FAM114A1: variants seen among roughly 807,000 people sequenced by gnomAD.
The protein encoded by FAM114A1 is family with sequence similarity 114 member A1.
Under a neutral mutation model 64.3 loss-of-function variants are expected in FAM114A1, and 62 were observed. The ratio of observed to expected loss-of-function variants is 0.96; its 90% CI spans 0.79 to 1.19. The LOEUF is 1.19. Ranked by LOEUF, FAM114A1 falls within the 50% of genes most tolerant of loss-of-function variation. The probability of loss-of-function intolerance (pLI) is 0.00; values close to 1 mark genes in which losing one functional copy is unlikely to be tolerated. For missense variants in FAM114A1, 645 were observed against 676.3 expected (o/e 0.95, Z 0.51); for synonymous variants, 254 against 251.1 (o/e 1.01, Z -0.11).
At chr4:38,907,225 A>G (rs887482941) in intron 6 of FAM114A1, among the ~76,000 whole-genome samples, 3 of 152,194 alleles carry the variant, frequency 2.0e-5, no homozygotes, top group Non-Finnish European at 4.4e-5. Flanking sequence ...AAGTAGCAAT[A>G]CAAGTCAACC....
intron 14 of FAM114A1, among the ~76,000 whole-genome samples, chr4:38,942,157 C>A (rs1169032335): frequency 1.3e-5 from 2 of 152,132 alleles, no homozygotes; most frequent in Admixed American, 1.3e-4. Context: ...CCATCAGGTC[C>A]CTCCCACAAC....
At chr4:38,932,200 G>A in intron 11 of FAM114A1, 35 bp from the exon 12 acceptor site, 1 of 1,567,046 alleles carries the variant, frequency 6.4e-7, no homozygotes, top group Non-Finnish European at 8.6e-7. Flanking sequence ...CATCTGCTCA[G>A]TAAAAAATTT....
chr4:38,924,620 A>G (rs1005796675), intron 9 of FAM114A1, among the ~76,000 whole-genome samples: 1 of 152,234 alleles, frequency 6.6e-6, no homozygotes, highest in Non-Finnish European at 1.5e-5. Context: ...AGAATCAATT[A>G]TACTGAAGCA....
At chr4:38,905,451 A>G (rs1717900518) in intron 4 of FAM114A1, 71 bp from the exon 5 acceptor site, 1 of 1,117,028 alleles carries the variant, frequency 9.0e-7, no homozygotes. Flanking sequence ...ACAGCTTTGT[A>G]AGATTTGGTG....
rs536632838 is a variant in FAM114A1 at position 38,930,570 on chromosome 4, A to G, written c.1162-881A>G. ...TTTGTCTGTAATAGAGGACACACTG[A>G]GGACAGTTTTGCTGGGTTTTCTCTC... On this transcript the variant is annotated intron_variant, in intron 10 of 14. Coordinates refer to ENST00000358869, the MANE Select transcript of FAM114A1 (RefSeq NM_138389.4). 5.9e-5 allele frequency among the ~76,000 whole-genome samples: 9 copies of G among 152,302 alleles called. No homozygotes were observed. The East Asian group carries it at 1.7e-3, about 29-fold the overall frequency.
chr4:38,920,151 G>A (rs1184935649), intron 8 of FAM114A1, among the ~76,000 whole-genome samples: 4 of 151,720 alleles, frequency 2.6e-5, no homozygotes, highest in Non-Finnish European at 2.9e-5. Context: ...AGGTTCCAGT[G>A]AGCCAAGATT....
intron 8 of FAM114A1, among the ~76,000 whole-genome samples, chr4:38,919,322 T>C (rs1004165104): frequency 2.0e-5 from 3 of 152,210 alleles, no homozygotes; most frequent in African/African-American, 7.2e-5. Context: ...TGCTTCAGCC[T>C]GCCTGCCTCC....
intron 4 of FAM114A1, among the ~76,000 whole-genome samples, chr4:38,905,234 A>C (rs1449041703): frequency 1.3e-5 from 2 of 152,020 alleles, no homozygotes; most frequent in African/African-American, 4.8e-5. Flanking sequence ...CCTAGTCTCC[A>C]CTAAAGGCAC....
At chr4:38,936,064 T>G (rs540085902) in intron 13 of FAM114A1, among the ~76,000 whole-genome samples, 1 of 151,908 alleles carries the variant, frequency 6.6e-6, no homozygotes, top group Non-Finnish European at 1.5e-5. Context: ...TGTTTTTGTT[T>G]GTTTGTTTGT....
Position 38,914,954 on chromosome 4 carries a change from A to G in FAM114A1, c.826A>G (p.Arg276Gly). ...LREAKEKEKQ[R>G]LAQQLTMERT... ...GGAAGCTAAGGAGAAGGAGAAGCAG[A>G]GACTGGCACAGCAGCTCACGATGGA... Residue 276 changes from arginine (R) to glycine (G), a missense_variant, in exon 8 of 15, where the codon AGA (arginine) becomes GGA (glycine). Arg to Gly is a moderately radical substitution (Grantham distance 125, BLOSUM62 -2). Transcript: ENST00000358869. 1 of 1,614,124 alleles carries G rather than the reference A, an allele frequency of 6.2e-7. No homozygotes were observed. Among genetic ancestry groups the G allele is most frequent in the South Asian group, 1.1e-5 (1 of 91,076 alleles).
intron 3 of FAM114A1, among the ~76,000 whole-genome samples, chr4:38,887,762 A>C (rs1033140115): frequency 1.3e-5 from 2 of 152,206 alleles, no homozygotes; most frequent in African/African-American, 4.8e-5. Context: ...CATACTTACC[A>C]AGGAAGAAAA....
intron 7 of FAM114A1, among the ~76,000 whole-genome samples, chr4:38,912,484 A>G (rs1718648170): frequency 6.6e-6 from 1 of 152,110 alleles, no homozygotes; most frequent in Non-Finnish European, 1.5e-5. Context: ...TCTTGGCTTC[A>G]AGTGATTCTC....
chr4:38,932,308 C>T lies in FAM114A1; in HGVS notation c.1397C>T (p.Ala466Val), dbSNP rs778806275. ...ARCIEQLHKV[A>V]ELILHGQEEE... ...TGTATTGAGCAGCTTCATAAAGTAG[C>T]AGAATTAATTCTTCATGGACAAGAA... is the stretch of plus-strand genomic sequence containing the variant. The change falls in exon 12 of 15, where the codon GCA (alanine) becomes GTA (valine). Residue 466 changes from alanine (A) to valine (V), a missense_variant. Physicochemically the swap from Ala to Val is moderately conservative, Grantham distance 64 (BLOSUM62 0). Transcript: ENST00000358869. 2.5e-6 allele frequency: 4 copies of T among 1,613,634 alleles called. No individual in the cohort carries two copies. The South Asian group carries it at 3.3e-5, about 13-fold the overall frequency.
At chr4:38,877,564 C>T (rs967176818) in intron 2 of FAM114A1, among the ~76,000 whole-genome samples, 4 of 152,224 alleles carry the variant, frequency 2.6e-5, no homozygotes, top group African/African-American at 9.6e-5. Flanking sequence ...CACTCACCTG[C>T]CACTCACCCA....
chr4:38,932,520 G>T (rs181340449), intron 12 of FAM114A1, 146 bp downstream of exon 12: 9 of 858,184 alleles, frequency 1.0e-5, no homozygotes, highest in Non-Finnish European at 1.4e-5. Flanking sequence ...TTGTTGAGAC[G>T]GGATCTCACT....
chr4:38,893,096 G>A (rs57118203), intron 4 of FAM114A1, among the ~76,000 whole-genome samples: 1 of 152,308 alleles, frequency 6.6e-6, no homozygotes, highest in African/African-American at 2.4e-5. Flanking sequence ...CTAAATTCAA[G>A]TAGAGGCGCC....
At chr4:38,886,519 C>T (rs1293241635) in intron 3 of FAM114A1, among the ~76,000 whole-genome samples, 1 of 151,956 alleles carries the variant, frequency 6.6e-6, no homozygotes, top group Non-Finnish European at 1.5e-5. Flanking sequence ...GTGGAGCAGA[C>T]ACCAGATAAG....
intron 8 of FAM114A1, among the ~76,000 whole-genome samples, chr4:38,916,921 G>C (rs1229864538): frequency 6.6e-6 from 1 of 152,058 alleles, no homozygotes; most frequent in Non-Finnish European, 1.5e-5. Flanking sequence ...CAATGGCTTT[G>C]CATTGTTGTC....
rs375458001 is a variant in FAM114A1 at position 38,891,808 on chromosome 4, G to C, written c.414G>C (p.Leu138=). The change falls in exon 4 of 15, where the codon CTG becomes CTC. Residue 138 remains leucine, a synonymous_variant. Transcript: ENST00000358869. ...AGWGSWGKSL[L]SSASATVGHG... Reference sequence around the variant, plus strand: ...GGGGATCCTGGGGCAAATCTCTGCTGTCGTCAGCATCTGCCACAGTAGGTA... The same window carrying C: ...GGGGATCCTGGGGCAAATCTCTGCTCTCGTCAGCATCTGCCACAGTAGGTA... The C allele has an allele frequency of 1.2e-6, 2 of 1,612,594 alleles. No homozygotes were observed. Among genetic ancestry groups the C allele is most frequent in the African/African-American group, 1.3e-5 (1 of 74,888 alleles).
Sources: gnomAD v4.1 joint callset for allele counts (sites outside exome capture counted in the v4.1 genomes callset) on GRCh38, gnomAD v4.1.1 for gene constraint, MANE v1.5 for transcripts, NCBI Gene and HGNC (gene_info 2026-07-23, HGNC 2026-07-21) for gene names.